The following ZFHX3 variants were observed in gnomAD, a reference collection of about 807,000 sequenced individuals.
ZFHX3 encodes zinc finger homeobox protein 3.
Under a neutral mutation model 279.1 loss-of-function variants are expected in ZFHX3, and 42 were observed. The ratio of observed to expected loss-of-function variants is 0.15; its 90% confidence interval spans 0.12 to 0.19. The LOEUF is 0.19. ZFHX3 is among the 10% of genes least tolerant of loss of function. ZFHX3 has a pLI of 1.00. For missense variants in ZFHX3, 4,981 were observed against 4,754.0 expected (o/e 1.05, Z -1.40); for synonymous variants, 2,293 against 1,957.8 (o/e 1.17, Z -4.52).
intron 1 of ZFHX3, among the ~76,000 whole-genome samples, chr16:73,745,350 G>A (rs1163245403): frequency 1.3e-5 from 2 of 152,122 alleles, no homozygotes; most frequent in Non-Finnish European, 2.9e-5. Flanking sequence ...AAGAGCAGAG[G>A]ACAAGGAGGC....
chr16:73,531,435 C>A (rs1251683534), intron 2 of ZFHX3, among the ~76,000 whole-genome samples: 4 of 151,978 alleles, frequency 2.6e-5, no homozygotes, highest in African/African-American at 9.7e-5. Flanking sequence ...TATTTCCTGG[C>A]CAGGTGTAAT....
intron 1 of ZFHX3, among the ~76,000 whole-genome samples, chr16:73,856,982 G>A (rs7202604): frequency 0.015 from 2,284 of 152,312 alleles, 65 homozygotes; most frequent in African/African-American, 0.051. Context: ...GCGCCTCAGC[G>A]GTGGCCAGAG....
intron 4 of ZFHX3, among the ~76,000 whole-genome samples, chr16:73,304,177 G>A (rs2015125967): frequency 6.6e-6 from 1 of 152,054 alleles, no homozygotes; most frequent in Admixed American, 6.6e-5. Flanking sequence ...CCAGGTTCAG[G>A]GTGTGAGTCG....
intron 1 of ZFHX3, among the ~76,000 whole-genome samples, chr16:73,855,254 G>C (rs532858664): frequency 1.7e-5 from 2 of 116,932 alleles, no homozygotes; most frequent in Non-Finnish European, 3.2e-5. Context: ...AATGCCATTC[G>C]TTCAATGTCC....
chr16:72,945,560 C>T lies in ZFHX3; in HGVS notation c.3216+4909G>A, dbSNP rs73592703. On this transcript the variant is annotated intron_variant, in intron 3 of 9. Coordinates refer to ENST00000268489, the MANE Select transcript of ZFHX3 (RefSeq NM_006885.4). The stretch of plus-strand genomic sequence containing the variant: ...GCTAAAATTCACCAAAACATCTGGC[C>T]TTGCACACCTTCTAAATCACCTGCA... Among the ~76,000 whole-genome samples, 1,328 of 152,332 alleles carry T rather than the reference C, an allele frequency of 8.7e-3. 22 individuals carry two copies. The highest frequency in any genetic ancestry group is 0.03 in the African/African-American group (1,249 of 41,568).
chr16:73,659,184 A>G (rs1233309155), intron 2 of ZFHX3, among the ~76,000 whole-genome samples: 1 of 152,220 alleles, frequency 6.6e-6, no homozygotes, highest in Non-Finnish European at 1.5e-5. Flanking sequence ...AAGACACAGA[A>G]GGGTGACAGG....
intron 9 of ZFHX3, chr16:72,790,057 A>T (rs2035630442): frequency 6.6e-6 from 1 of 152,410 alleles, no homozygotes; most frequent in Non-Finnish European, 1.5e-5. Context: ...CACTCCCTGC[A>T]ACGCCTTCAC....
intron 5 of ZFHX3, among the ~76,000 whole-genome samples, chr16:72,816,027 AAAG>A (rs1185217001): frequency 6.6e-6 from 1 of 152,270 alleles, no homozygotes; most frequent in Non-Finnish European, 1.5e-5. Context: ...GCAAATCAGA[AAAG>A]AAGATAAAAT....
intron 3 of ZFHX3, among the ~76,000 whole-genome samples, chr16:72,891,789 C>T (rs1868953437): frequency 1.3e-5 from 2 of 152,210 alleles, no homozygotes; most frequent in African/African-American, 2.4e-5. Context: ...CACCTGTCCC[C>T]AACCCCCAGC....
chr16:73,643,684 G>A (rs1187275321), intron 2 of ZFHX3, among the ~76,000 whole-genome samples: 1 of 152,148 alleles, frequency 6.6e-6, no homozygotes, highest in African/African-American at 2.4e-5. Context: ...TCAAGTCCAG[G>A]CTAAAGTTGA....
chr16:73,699,663 C>T (rs1235781784), intron 1 of ZFHX3, among the ~76,000 whole-genome samples: 1 of 152,176 alleles, frequency 6.6e-6, no homozygotes, highest in Non-Finnish European at 1.5e-5. Context: ...TGCTCAACAA[C>T]CCTATGAAGC....
intron 3 of ZFHX3, among the ~76,000 whole-genome samples, chr16:73,351,868 T>C (rs910623162): frequency 6.6e-6 from 1 of 152,184 alleles, no homozygotes; most frequent in African/African-American, 2.4e-5. Context: ...TCCAGGTCCT[T>C]GTCTGTCAAA....
At chr16:73,601,936 G>C (rs2052122712) in intron 2 of ZFHX3, among the ~76,000 whole-genome samples, 1 of 152,198 alleles carries the variant, frequency 6.6e-6, no homozygotes, top group African/African-American at 2.4e-5. Context: ...GAGAGGAAGG[G>C]GAGTGGGCTT....
chr16:73,260,973 T>C (rs1173568140), intron 4 of ZFHX3, among the ~76,000 whole-genome samples: 2 of 152,186 alleles, frequency 1.3e-5, no homozygotes, highest in Non-Finnish European at 2.9e-5. Context: ...CATGAGCCAC[T>C]GCGCCCAGCC....
At chr16:73,300,250 G>A (rs1481707031) in intron 4 of ZFHX3, among the ~76,000 whole-genome samples, 1 of 129,826 alleles carries the variant, frequency 7.7e-6, no homozygotes, top group Non-Finnish European at 1.6e-5. Context: ...GTGACAGAGT[G>A]AGACTCTGTC....
chr16:73,749,590 A>G (rs528296747), intron 1 of ZFHX3, among the ~76,000 whole-genome samples: 47 of 152,192 alleles, frequency 3.1e-4, no homozygotes, highest in Non-Finnish European at 6.3e-4. Context: ...ATAACACAAC[A>G]AAGACCAACC....
chr16:73,345,005 C>T (rs1254902084), intron 3 of ZFHX3, among the ~76,000 whole-genome samples: 1 of 152,118 alleles, frequency 6.6e-6, no homozygotes, highest in African/African-American at 2.4e-5. Context: ...TCAAGCTGCA[C>T]CAACTTGCCC....
intron 3 of ZFHX3, among the ~76,000 whole-genome samples, chr16:73,415,287 T>G (rs894736414): frequency 1.3e-5 from 2 of 152,168 alleles, no homozygotes; most frequent in Non-Finnish European, 2.9e-5. Flanking sequence ...TTAAGAAAAT[T>G]TTTAGTCTTG....
chr16:73,251,590 T>A (rs28461795), intron 5 of ZFHX3, among the ~76,000 whole-genome samples: 135,441 of 152,148 alleles, frequency 0.89, 60,736 homozygotes, highest in Middle Eastern at 0.98. Context: ...AGAATGCTCT[T>A]CTTTCTCATT....
Sources: gnomAD v4.1 joint callset for allele counts (sites outside exome capture counted in the v4.1 genomes callset) on GRCh38, gnomAD v4.1.1 for gene constraint, MANE v1.5 for transcripts, NCBI Gene and HGNC (gene_info 2026-07-23, HGNC 2026-07-21) for gene names.